Variants in KCNK10 observed in about 807,000 individuals in gnomAD.
The protein encoded by KCNK10 is potassium two pore domain channel subfamily K member 10.
In KCNK10, 25 loss-of-function variants were observed where a neutral mutation model predicts 47.7. The ratio of observed to expected loss-of-function variants is 0.52; its 90% CI spans 0.38 to 0.73. The LOEUF (loss-of-function observed/expected upper bound fraction) is 0.73, where lower values mean the gene tolerates loss of function less well. Among genes scored for constraint, KCNK10 ranks in the 30% least tolerant of loss-of-function variants. The pLI, the probability that KCNK10 is intolerant of heterozygous loss-of-function variation, is 0.00. For synonymous variants in KCNK10, 303 were observed against 285.6 expected (o/e 1.06, Z -0.61); for missense variants, 563 against 714.5 (o/e 0.79, Z 2.42).
At chr14:88,189,609 C>T (rs908721502) in intron 5 of KCNK10, among the ~76,000 whole-genome samples, 2 of 152,128 alleles carry the variant, frequency 1.3e-5, no homozygotes, top group Admixed American at 6.5e-5. Flanking sequence ...TATCTGGATT[C>T]GGAGTTCTGT....
intron 4 of KCNK10, among the ~76,000 whole-genome samples, chr14:88,218,905 G>C (rs1438307652): frequency 6.6e-6 from 1 of 152,136 alleles, no homozygotes; most frequent in African/African-American, 2.4e-5. Flanking sequence ...GGGAACTCAG[G>C]AAGAATTATT....
At chr14:88,318,092 A>C (rs1301548049) in intron 1 of KCNK10, among the ~76,000 whole-genome samples, 1 of 152,222 alleles carries the variant, frequency 6.6e-6, no homozygotes, top group Non-Finnish European at 1.5e-5. Flanking sequence ...AGCGCACTGG[A>C]GGTTTAGAGC....
At chr14:88,257,797 G>A (rs986278433) in intron 2 of KCNK10, among the ~76,000 whole-genome samples, 1 of 152,298 alleles carries the variant, frequency 6.6e-6, no homozygotes, top group African/African-American at 2.4e-5. Context: ...TTTTTTGGAC[G>A]TCTTTCAGAT....
chr14:88,191,774 A>C (rs1221096847), intron 5 of KCNK10, among the ~76,000 whole-genome samples: 2 of 152,204 alleles, frequency 1.3e-5, no homozygotes, highest in East Asian at 3.8e-4. Flanking sequence ...GTGCAGGACA[A>C]CGTTTGCAGA....
chr14:88,308,180 G>A (rs1461793894), intron 1 of KCNK10, among the ~76,000 whole-genome samples: 1 of 152,104 alleles, frequency 6.6e-6, no homozygotes, highest in Non-Finnish European at 1.5e-5. Context: ...CGATCACTAG[G>A]ACGAGCTTAA....
intron 4 of KCNK10, among the ~76,000 whole-genome samples, chr14:88,195,534 C>T (rs1394276003): frequency 6.6e-6 from 1 of 152,162 alleles, no homozygotes; most frequent in Non-Finnish European, 1.5e-5. Context: ...CAGGAGGTCG[C>T]TGCTGGTTGT....
In KCNK10 at chr14:88,240,685, T is replaced by C. The variant is rs200661609; in HGVS notation, c.520+18A>G. ...AGATGACCTGCAGAGGAAGAGATAT[T>C]AGCAAACAAACGGGTACCTATGGTC... On this transcript the variant is annotated intron_variant, in intron 3 of 6. Coordinates refer to ENST00000319231, the MANE Select transcript of KCNK10 (RefSeq NM_138317.3). 6.7e-4 allele frequency: 1,016 copies of C among 1,508,224 alleles called. 2 individuals are homozygous for C. Among genetic ancestry groups the C allele is most frequent in the South Asian group, 1.3e-3 (112 of 88,902 alleles). The allele number at this position is 1,508,224 out of a possible 1,614,324, so 93.4% of individuals were successfully genotyped here. A position where few individuals can be genotyped will look rare whatever the true frequency, so the allele number is the denominator to read the frequency against.
chr14:88,257,153 G>A (rs952069892), intron 2 of KCNK10, among the ~76,000 whole-genome samples: 2 of 152,118 alleles, frequency 1.3e-5, no homozygotes, highest in Non-Finnish European at 2.9e-5. Flanking sequence ...TCCCTCACCT[G>A]TGATGTTGCA....
chr14:88,287,830 T>C (rs1186874189), intron 1 of KCNK10, among the ~76,000 whole-genome samples: 2 of 152,114 alleles, frequency 1.3e-5, no homozygotes, highest in East Asian at 3.9e-4. Flanking sequence ...TGAGTATCTT[T>C]TTCGTATAAT....
rs889527526 is a variant in KCNK10, at chr14:88,323,103, A to T, written c.-305T>A. On this transcript the variant is annotated 5_prime_UTR_variant, in exon 1 of 7. Transcript: ENST00000319231. ...TGGAGAGGAAGGCTTGGGGAGATGG[A>T]AGAGCCAAGCTGCTTCCCAAAAGCG... is the stretch of plus-strand genomic sequence containing the variant. 2 of 1,208,774 alleles carry T rather than the reference A, an allele frequency of 1.7e-6. No homozygotes were observed. Among genetic ancestry groups the T allele is most frequent in the African/African-American group, 1.6e-5 (1 of 63,966 alleles). The allele number at this position is 1,208,774 out of a possible 1,614,324, so 74.9% of individuals were successfully genotyped here. A position where few individuals can be genotyped will look rare whatever the true frequency, so the allele number is the denominator to read the frequency against.
At chr14:88,265,424 T>C (rs1013822942) in intron 1 of KCNK10, among the ~76,000 whole-genome samples, 1 of 152,114 alleles carries the variant, frequency 6.6e-6, no homozygotes, top group Non-Finnish European at 1.5e-5. Context: ...CTCTAGAAGC[T>C]GGAAAAGGCA....
Position 88,227,443 on chromosome 14 carries a change from C to A in KCNK10, c.613G>T (p.Ala205Ser), listed in dbSNP as rs1461169816. ...FGIPLFGFLLAGIGDQLGTIF... is the reference protein window; with the variant it reads ...FGIPLFGFLLSGIGDQLGTIF... ...GTTCCAAGTTGGTCTCCAATTCCAG[C>A]CAATAAGAAACCAAAGAGTGGAATT... The change falls in exon 4 of 7, where the codon GCT (alanine) becomes TCT (serine). Residue 205 changes from alanine to serine, a missense_variant. Physicochemically the swap from Ala to Ser is moderately conservative, Grantham distance 99. Transcript: ENST00000319231. 1 of 1,613,444 alleles carries A rather than the reference C, an allele frequency of 6.2e-7. No homozygotes were observed. The highest frequency in any genetic ancestry group is 8.5e-7 in the Non-Finnish European group (1 of 1,179,802).
chr14:88,256,970 C>A (rs184596690), intron 2 of KCNK10, among the ~76,000 whole-genome samples: 2 of 152,134 alleles, frequency 1.3e-5, no homozygotes, highest in Admixed American at 6.5e-5. Flanking sequence ...TCACTCAGCT[C>A]ATTAAGTGGT....
chr14:88,207,293 C>A (rs1390372339), intron 4 of KCNK10, among the ~76,000 whole-genome samples: 1 of 151,914 alleles, frequency 6.6e-6, no homozygotes, highest in African/African-American at 2.4e-5. Flanking sequence ...CTGCCTCAGC[C>A]TCCCGAGCAG....
chr14:88,224,349 T>C (rs1377383122), intron 4 of KCNK10, among the ~76,000 whole-genome samples: 1 of 152,210 alleles, frequency 6.6e-6, no homozygotes, highest in African/African-American at 2.4e-5. Context: ...GCAATAAAGC[T>C]GGCAATTTGA....
chr14:88,293,355 C>T (rs111881111), intron 1 of KCNK10, among the ~76,000 whole-genome samples: 151 of 152,310 alleles, frequency 9.9e-4, no homozygotes, highest in African/African-American at 3.3e-3. Context: ...TCAAATCCCA[C>T]AGAGCTAGAA....
chr14:88,305,073 C>T (rs564619138), intron 1 of KCNK10, among the ~76,000 whole-genome samples: 3 of 152,054 alleles, frequency 2.0e-5, no homozygotes, highest in Non-Finnish European at 4.4e-5. Flanking sequence ...GTGGTGCATG[C>T]CTGTAGTCCC....
chr14:88,310,235 C>G (rs1448764301), intron 1 of KCNK10, among the ~76,000 whole-genome samples: 1 of 142,698 alleles, frequency 7.0e-6, no homozygotes, highest in Non-Finnish European at 1.6e-5. Flanking sequence ...ATATGATATA[C>G]CATATAAATG....
At chr14:88,238,687 CA>C (rs1327687672) in intron 3 of KCNK10, among the ~76,000 whole-genome samples, 1 of 152,132 alleles carries the variant, frequency 6.6e-6, no homozygotes, top group Non-Finnish European at 1.5e-5. Context: ...AAAAATAAAA[CA>C]CAAAATTTCC....
Sources: gnomAD v4.1 joint callset for allele counts (sites outside exome capture counted in the v4.1 genomes callset) on GRCh38, gnomAD v4.1.1 for gene constraint, MANE v1.5 for transcripts, NCBI Gene and HGNC (gene_info 2026-07-23, HGNC 2026-07-21) for gene names.